TRIM37: variants seen among roughly 807,000 people sequenced by gnomAD.
TRIM37 encodes the protein E3 ubiquitin-protein ligase TRIM37.
TRIM37 carries 80 observed loss-of-function variants against 129.8 expected under a neutral mutation model. The observed-to-expected ratio is 0.62, with a 90% CI of 0.51 to 0.74. The LOEUF (loss-of-function observed/expected upper bound fraction) is 0.74. Among genes scored for constraint, TRIM37 ranks in the 30% least tolerant of loss-of-function variants. The pLI is 0.00. For missense variants in TRIM37, 1,054 were observed against 1,176.5 expected, an observed-to-expected ratio of 0.90 and a Z score of 1.52; for synonymous variants, 389 against 387.1, an observed-to-expected ratio of 1.00 and a Z score of -0.06.
chr17:59,088,261 C>T lies in TRIM37; in HGVS notation c.281+30G>A, dbSNP rs968096281. The T allele has an allele frequency of 3.4e-6, 5 of 1,465,478 alleles. No homozygotes were observed. The Admixed American group carries it at 6.7e-5, about 20-fold the overall frequency. The allele number at this position is 1,465,478 out of a possible 1,614,324, so 90.8% of individuals were successfully genotyped here. A position where few individuals can be genotyped will look rare whatever the true frequency, so the allele number is the denominator to read the frequency against. Reference sequence around the variant, plus strand: ...AAACAATACAAAGGCAAAATCCATTCAATATTGAACAAAGAAATTGAGGAC... The same window carrying T: ...AAACAATACAAAGGCAAAATCCATTTAATATTGAACAAAGAAATTGAGGAC... On this transcript the variant is annotated intron_variant, in intron 4 of 23. Coordinates refer to ENST00000262294, the MANE Select transcript of TRIM37 (RefSeq NM_015294.6).
chr17:59,062,762 T>A (rs2041603867), intron 10 of TRIM37, 114 bp from the exon 11 acceptor site: 4 of 832,814 alleles, frequency 4.8e-6, no homozygotes, highest in African/African-American at 3.4e-5. Context: ...CCTAGACAAA[T>A]AACAAGGTGA....
At chr17:59,025,827 TG>T (rs1242761150) in intron 19 of TRIM37, among the ~76,000 whole-genome samples, 2 of 152,244 alleles carry the variant, frequency 1.3e-5, no homozygotes, top group Admixed American at 6.5e-5. Context: ...GCTGTACTTT[TG>T]GTTTTAATAT....
intron 16 of TRIM37, among the ~76,000 whole-genome samples, chr17:59,045,674 C>A (rs1276966239): frequency 6.6e-6 from 1 of 150,878 alleles, no homozygotes; most frequent in Non-Finnish European, 1.5e-5. Flanking sequence ...AAAAATTACA[C>A]ACTATGACCA....
At chr17:58,981,427 C>T (rs2031350969), downstream of TRIM37, 1 of 159,204 alleles carries the variant, frequency 6.3e-6, no homozygotes, top group South Asian at 2.0e-4. Context: ...TCTGATGTGC[C>T]TAATTTATCT....
intron 5 of TRIM37, among the ~76,000 whole-genome samples, chr17:59,081,810 G>A (rs1201534856): frequency 6.6e-6 from 1 of 151,604 alleles, no homozygotes; most frequent in Non-Finnish European, 1.5e-5. Context: ...AAGAGGCTGA[G>A]ACATGAGAAT....
chr17:59,003,917 C>T (rs537143761), intron 22 of TRIM37, among the ~76,000 whole-genome samples: 5 of 126,476 alleles, frequency 4.0e-5, no homozygotes, highest in African/African-American at 1.5e-4. Flanking sequence ...AAAGCCCCAT[C>T]TCTATAAAAA....
chr17:59,096,874 C>A (rs977671251), intron 2 of TRIM37, among the ~76,000 whole-genome samples: 1 of 151,970 alleles, frequency 6.6e-6, no homozygotes, highest in Non-Finnish European at 1.5e-5. Flanking sequence ...CTAGGGAAAT[C>A]CTCAACAAAA....
chr17:59,036,763 A>T (rs946735645), intron 17 of TRIM37, among the ~76,000 whole-genome samples: 1 of 152,064 alleles, frequency 6.6e-6, no homozygotes, highest in Non-Finnish European at 1.5e-5. Context: ...TTAACGCATA[A>T]CTTAACATCG....
At chr17:59,101,022 C>CA (rs35079890) in intron 2 of TRIM37, among the ~76,000 whole-genome samples, 49,307 of 104,906 alleles carry the variant, frequency 0.47, 9,178 homozygotes, top group Middle Eastern at 0.6. Context: ...AACGCCGTCT[C>CA]AAAAAAAAAA....
At chr17:59,081,281 T>G (rs1448088515) in intron 5 of TRIM37, 62 bp from the exon 6 acceptor site, 29 of 1,588,424 alleles carry the variant, frequency 1.8e-5, no homozygotes, top group Non-Finnish European at 2.5e-5. Flanking sequence ...TACATTCCTT[T>G]GTAACACTCT....
intron 17 of TRIM37, among the ~76,000 whole-genome samples, chr17:59,032,531 CAAAAAAAAAAAAAA>C (rs35442859): frequency 3.5e-5 from 3 of 84,788 alleles, no homozygotes; most frequent in Non-Finnish European, 6.7e-5. Context: ...GACTCCGTCT[CAAAAAAAAAAAAAA>C]AAAAAAAAGA....
At position 59,104,329 on chromosome 17, in the gene TRIM37, A is replaced by G; in HGVS notation, c.87T>C (p.Pro29=). 1.9e-6 allele frequency: 3 copies of G among 1,614,234 alleles called. No individual in the cohort carries two copies. The highest frequency in any genetic ancestry group is 2.5e-6 in the Non-Finnish European group (3 of 1,180,028). Residue 29 remains proline, a synonymous_variant, in exon 2 of 24, where the codon CCT becomes CCC. Transcript: ENST00000262294. ...MEKLRDARLC[P]HCSKLCCFSC... is the part of the protein sequence containing the mutation. The stretch of plus-strand genomic sequence containing the variant: ...TGAAACAACACAGTTTGGAGCAATG[A>G]GGACACAGGCGTGCATCCCGCAATT...
At chr17:59,082,965 C>T (rs1047570815) in intron 5 of TRIM37, among the ~76,000 whole-genome samples, 1 of 152,148 alleles carries the variant, frequency 6.6e-6, no homozygotes, top group East Asian at 1.9e-4. Context: ...ATCTGGCCTG[C>T]CACTCTCTCC....
chr17:58,995,241 G>A (rs1204273985), downstream of TRIM37, among the ~76,000 whole-genome samples: 2 of 152,064 alleles, frequency 1.3e-5, no homozygotes, highest in African/African-American at 4.8e-5. Context: ...TATCCATTGA[G>A]TGGGACTAGA....
intron 22 of TRIM37, among the ~76,000 whole-genome samples, chr17:59,009,112 C>T (rs11079368): frequency 0.35 from 52,945 of 151,958 alleles, 9,858 homozygotes; most frequent in East Asian, 0.53. Context: ...TCTAGCTCTT[C>T]CAAGTTCTTT....
intron 4 of TRIM37, among the ~76,000 whole-genome samples, chr17:59,087,458 C>CTTTTTTTTT (rs56956832): frequency 4.6e-5 from 6 of 130,820 alleles, no homozygotes; most frequent in African/African-American, 8.5e-5. Context: ...AAGCCTCTTT[C>CTTTTTTTTT]TTTTTTTTTT....
rs1469527854 is a variant in TRIM37 at position 59,091,129 on chromosome 17, A to G, written c.164+171T>C. On this transcript the variant is annotated intron_variant, in intron 3 of 23. Coordinates refer to ENST00000262294, the MANE Select transcript of TRIM37 (RefSeq NM_015294.6). ...CATAGTAAACGTAATTTTAAGTCAC[A>G]TGAATTAGTCCCTGCATTTCTTTTT... 5.3e-5 allele frequency among the ~76,000 whole-genome samples: 8 copies of G among 152,172 alleles called. No individual in the cohort carries two copies. The South Asian group carries it at 1.7e-3, about 32-fold the overall frequency.
chr17:58,977,089 A>G, the TRIM37 span, among the ~76,000 whole-genome samples: 1 of 152,168 alleles, frequency 6.6e-6, no homozygotes, highest in Non-Finnish European at 1.5e-5. Context: ...ACCTTAGCAT[A>G]TAAGTGAAGT....
chr17:59,023,718 T>A (rs1463025263), intron 19 of TRIM37, among the ~76,000 whole-genome samples: 1 of 151,804 alleles, frequency 6.6e-6, no homozygotes, highest in East Asian at 1.9e-4. Flanking sequence ...TCAAATTTAA[T>A]GAGAAAAAAA....
Sources: gnomAD v4.1 joint callset for allele counts (sites outside exome capture counted in the v4.1 genomes callset) on GRCh38, gnomAD v4.1.1 for gene constraint, MANE v1.5 for transcripts, NCBI Gene and HGNC (gene_info 2026-07-23, HGNC 2026-07-21) for gene names.